Variants in ZNF564 observed in about 807,000 individuals in gnomAD.
The protein encoded by ZNF564 is zinc finger protein 564.
ZNF564 carries 5 observed loss-of-function variants against 10.5 expected under a neutral mutation model. That is an observed-to-expected ratio of 0.48 (90% CI 0.25 to 1.00). The LOEUF (loss-of-function observed/expected upper bound fraction) is 1.00, where lower values mean the gene tolerates loss of function less well. Ranked by LOEUF, ZNF564 falls within the 50% of genes least tolerant of loss-of-function variation. ZNF564 has a pLI of 0.16. For missense variants in ZNF564, 603 were observed against 669.7 expected (o/e 0.90, Z 1.10); for synonymous variants, 242 against 218.1 (o/e 1.11, Z -0.97).
At chr19:12,546,447 G>A (rs1396607350) in intron 1 of ZNF564, among the ~76,000 whole-genome samples, 3 of 152,162 alleles carry the variant, frequency 2.0e-5, no homozygotes, top group South Asian at 2.1e-4. Context: ...CCAGACAGGC[G>A]GCTGGGTGCA....
In ZNF564 at chr19:12,525,971, C is replaced by T. The variant is rs10911; in HGVS notation, c.*475G>A. ...CTAAAAACCACCAGAGACAGGGCCT[C>T]CAAATACCATCACATTGTGGGGGAG... On this transcript the variant is annotated 3_prime_UTR_variant, in exon 4 of 4. Coordinates refer to ENST00000339282, the MANE Select transcript of ZNF564 (RefSeq NM_144976.4). The T allele has an allele frequency of 4.6e-3, 717 of 154,240 alleles. 7 individuals are homozygous for T. Among genetic ancestry groups the T allele is most frequent in the African/African-American group, 0.016 (645 of 41,496 alleles). The allele number at this position is 154,240 out of a possible 1,614,324, so 9.6% of individuals were successfully genotyped here.
At position 12,526,584 on chromosome 19, in the gene ZNF564, C is replaced by T. The variant is rs1273771030; in HGVS notation, c.1524G>A (p.Lys508=). ...AATAACTGAACGTTTTTCCACATTG[C>T]TTACATTCATAGGGTTTTTCTCCGG... ...THTGEKPYEC[K]QCGKTFSYSS... The change falls in exon 4 of 4, where the codon AAG becomes AAA. Residue 508 remains lysine (K), a synonymous_variant. Coordinates refer to ENST00000339282, the MANE Select transcript of ZNF564 (RefSeq NM_144976.4). 3 of 1,614,114 alleles carry T rather than the reference C, an allele frequency of 1.9e-6. No individual in the cohort carries two copies. Among genetic ancestry groups the T allele is most frequent in the Admixed American group, 1.7e-5 (1 of 60,020 alleles).
In ZNF564 at chr19:12,528,355, C is replaced by T. The variant is rs2021734484; in HGVS notation, c.140G>A (p.Trp47Ter). 6.2e-7 allele frequency: 1 copy of T among 1,606,070 alleles called. No individual in the cohort carries two copies. The highest frequency in any genetic ancestry group is 8.5e-7 in the Non-Finnish European group (1 of 1,178,274). Residue 47 changes from tryptophan to a stop codon, truncating the protein, a stop_gained, in exon 3 of 4, where the codon TGG (tryptophan) becomes TAG (stop). Transcript: ENST00000339282. LOFTEE classifies it high-confidence loss of function. Reference protein sequence around the residue: ...FRNLACVGKKWEDQSIEDWYK... With the variant: ...FRNLACVGKK Reference sequence around the variant, plus strand: ...CCAATCTTCAATGCTCTGGTCTTCCCATTTTTTTCCTAAAATATAGTCAGA... The same window carrying T: ...CCAATCTTCAATGCTCTGGTCTTCCTATTTTTTTCCTAAAATATAGTCAGA...
Position 12,526,316 on chromosome 19 carries a change from A to G in ZNF564, c.*130T>C. On this transcript the variant is annotated 3_prime_UTR_variant, in exon 4 of 4. Coordinates refer to ENST00000339282, the MANE Select transcript of ZNF564 (RefSeq NM_144976.4). ...CCAAAATATGAGACAGGCACAGGAT[A>G]GAGATTCCTATTCCAAAAGTGAGAA... The G allele has an allele frequency of 2.1e-6, 2 of 941,648 alleles. No homozygotes were observed. Among genetic ancestry groups the G allele is most frequent in the Middle Eastern group, 3.4e-4 (1 of 2,902 alleles). 58.3% of individuals were successfully genotyped at this position (941,648 alleles called of 1,614,324 possible). A position where few individuals can be genotyped will look rare whatever the true frequency, so the allele number is the denominator to read the frequency against.
chr19:12,527,015 A>T lies in ZNF564; in HGVS notation c.1093T>A (p.Tyr365Asn). 1 of 1,613,910 alleles carries T rather than the reference A, an allele frequency of 6.2e-7. No individual in the cohort carries two copies. The highest frequency in any genetic ancestry group is 2.2e-5 in the East Asian group (1 of 44,842). ...HERTHTGEKP[Y>N]ECKECGKAFI... Reference sequence around the variant, plus strand: ...GCTTTCCCGCATTCCTTACATTCATAGGGCTTCTCTCCAGTGTGAGTCCTT... The same window carrying T: ...GCTTTCCCGCATTCCTTACATTCATTGGGCTTCTCTCCAGTGTGAGTCCTT... The change falls in exon 4 of 4, where the codon TAT becomes AAT. Residue 365 changes from tyrosine to asparagine, a missense_variant. By Grantham distance (143) the Tyr-to-Asn change is moderately radical. Coordinates refer to ENST00000339282, the MANE Select transcript of ZNF564 (RefSeq NM_144976.4).
chr19:12,540,672 A>G (rs111430613), intron 1 of ZNF564, among the ~76,000 whole-genome samples: 9,420 of 152,120 alleles, frequency 0.062, 772 homozygotes, highest in African/African-American at 0.19. Flanking sequence ...GGCTAACATG[A>G]TGAAACCCCG....
chr19:12,540,261 G>A (rs1207946565), intron 1 of ZNF564, among the ~76,000 whole-genome samples: 4 of 152,196 alleles, frequency 2.6e-5, no homozygotes, highest in Non-Finnish European at 5.9e-5. Flanking sequence ...TGGCTGTCAT[G>A]AGACTGACAT....
rs2021675924 is a variant in ZNF564 at position 12,526,151 on chromosome 19, A to G, written c.*295T>C. The G allele has an allele frequency of 3.8e-6, 1 of 264,206 alleles. No individual in the cohort carries two copies. The highest frequency in any genetic ancestry group is 2.2e-5 in the African/African-American group (1 of 44,882). 16.4% of individuals were successfully genotyped at this position (264,206 alleles called of 1,614,324 possible). On this transcript the variant is annotated 3_prime_UTR_variant, in exon 4 of 4. Coordinates refer to ENST00000339282, the MANE Select transcript of ZNF564 (RefSeq NM_144976.4). ...CTCAAAAGTCTCAGTTAATTCCAGC[A>G]TGAAGCCTAATGTTTAAACTCAAAC...
At position 12,527,115 on chromosome 19, in the gene ZNF564, A is replaced by C. The variant is rs747040020; in HGVS notation, c.993T>G (p.His331Gln). The change falls in exon 4 of 4, where the codon CAT (histidine) becomes CAG (glutamine). Residue 331 changes from histidine to glutamine, a missense_variant. Physicochemically the swap from His to Gln is conservative, Grantham distance 24. Transcript: ENST00000339282. Reference sequence around the variant, plus strand: ...TACATTCATAGGGTTTCTCCCCAGTATGAGTTCTTTCATGCTTTCGAACAT... The same window carrying C: ...TACATTCATAGGGTTTCTCCCCAGTCTGAGTTCTTTCATGCTTTCGAACAT... Reference protein sequence around the residue: ...PSYVRKHERTHTGEKPYECNK... With the variant: ...PSYVRKHERTQTGEKPYECNK... 6.2e-7 allele frequency: 1 copy of C among 1,613,842 alleles called. No homozygotes were observed. Among genetic ancestry groups the C allele is most frequent in the Non-Finnish European group, 8.5e-7 (1 of 1,179,992 alleles).
intron 2 of ZNF564, 89 bp downstream of exon 2, chr19:12,528,474 ATTCCCTT>A: frequency 6.3e-7 from 1 of 1,583,460 alleles, no homozygotes; most frequent in Admixed American, 1.9e-5. Flanking sequence ...TCACCCAAGT[ATTCCCTT>A]TTCCACATTA....
At chr19:12,530,182 G>A (rs2021774652) in intron 1 of ZNF564, 1 of 152,192 alleles carries the variant, frequency 6.6e-6, no homozygotes, top group South Asian at 2.1e-4. Context: ...CTTTCCTGAA[G>A]GATTCCAGGC....
At chr19:12,550,403 A>G (rs1029854600) in intron 1 of ZNF564, 2 of 163,980 alleles carry the variant, frequency 1.2e-5, no homozygotes, top group South Asian at 1.7e-4. Context: ...CGTCTGTAAT[A>G]CCAGCATTTT....
chr19:12,546,138 T>C (rs1401391577), intron 1 of ZNF564, among the ~76,000 whole-genome samples: 1 of 152,088 alleles, frequency 6.6e-6, no homozygotes, highest in African/African-American at 2.4e-5. Context: ...CAGAAGCAAA[T>C]ACACTCGTAA....
At chr19:12,551,267 G>T (rs752104545) in intron 1 of ZNF564, 63 bp downstream of exon 1, 18 of 1,564,198 alleles carry the variant, frequency 1.2e-5, no homozygotes, top group Non-Finnish European at 1.6e-5. Context: ...TTCCACAGCC[G>T]GTTCCGGCCG....
rs949310806 is a variant in ZNF564, at chr19:12,526,263, C to A, written c.*183G>T. The A allele has an allele frequency of 1.2e-5, 7 of 572,392 alleles. No homozygotes were observed. Among genetic ancestry groups the A allele is most frequent in the Non-Finnish European group, 2.0e-5 (7 of 343,354 alleles). The allele number at this position is 572,392 out of a possible 1,614,324, so 35.5% of individuals were successfully genotyped here. On this transcript the variant is annotated 3_prime_UTR_variant, in exon 4 of 4. Coordinates refer to ENST00000339282, the MANE Select transcript of ZNF564 (RefSeq NM_144976.4). ...GCAAAATTCTTCTTCAGCTCCGAAC[C>A]GGTGAAAACCAAACTAGTCATGTAT...
At chr19:12,548,529 T>A (rs779472606) in intron 1 of ZNF564, among the ~76,000 whole-genome samples, 14 of 152,200 alleles carry the variant, frequency 9.2e-5, no homozygotes, top group Non-Finnish European at 1.8e-4. Context: ...TTTTGTATTT[T>A]TTAGTAGAGA....
rs375431323 is a variant in ZNF564, at chr19:12,526,919, C to A, written c.1189G>T (p.Val397Leu). 1 of 1,614,060 alleles carries A rather than the reference C, an allele frequency of 6.2e-7. No homozygotes were observed. Among genetic ancestry groups the A allele is most frequent in the African/African-American group, 1.3e-5 (1 of 75,006 alleles). ...HTGDGPYKCQ[V>L]CGRAFDCPSS... Reference sequence around the variant, plus strand: ...GGACAGTCAAAGGCTCTACCACATACCTGACATTTATAAGGTCCATCTCCA... The same window carrying A: ...GGACAGTCAAAGGCTCTACCACATAACTGACATTTATAAGGTCCATCTCCA... Residue 397 changes from valine to leucine, a missense_variant, in exon 4 of 4, where the codon GTA (valine) becomes TTA (leucine). Val to Leu is a conservative substitution (Grantham distance 32). Coordinates refer to ENST00000339282, the MANE Select transcript of ZNF564 (RefSeq NM_144976.4).
chr19:12,526,431 T>A lies in ZNF564; in HGVS notation c.*15A>T. The stretch of plus-strand genomic sequence containing the variant: ...TATTCTTTAGATATGTAGATACTTG[T>A]AGACCTGTCCTCCACTATTCATTTT... On this transcript the variant is annotated 3_prime_UTR_variant, in exon 4 of 4. Transcript: ENST00000339282. 1 of 1,558,728 alleles carries A rather than the reference T, an allele frequency of 6.4e-7. No homozygotes were observed. The highest frequency in any genetic ancestry group is 8.6e-7 in the Non-Finnish European group (1 of 1,157,238).
Position 12,527,893 on chromosome 19 carries a change from C to T in ZNF564, c.215G>A (p.Ser72Asn), listed in dbSNP as rs1217303494. 3.1e-6 allele frequency: 5 copies of T among 1,606,126 alleles called. No individual in the cohort carries two copies. Among genetic ancestry groups the T allele is most frequent in the Non-Finnish European group, 4.3e-6 (5 of 1,175,768 alleles). ...ACATTGATCATATTCTTTACTTTCA[C>T]TGAGTCCCTCTTCCATATGATTTCT... is the stretch of plus-strand genomic sequence containing the variant. ...ILRNHMEEGL[S>N]ESKEYDQCGE... The change falls in exon 4 of 4, where the codon AGT (serine) becomes AAT (asparagine). Residue 72 changes from serine (S) to asparagine (N), a missense_variant. Transcript: ENST00000339282.
Sources: gnomAD v4.1 joint callset for allele counts (sites outside exome capture counted in the v4.1 genomes callset) on GRCh38, gnomAD v4.1.1 for gene constraint, MANE v1.5 for transcripts, NCBI Gene and HGNC (gene_info 2026-07-23, HGNC 2026-07-21) for gene names.